KCNIP4: variants seen among roughly 807,000 people sequenced by gnomAD.
KCNIP4 encodes potassium voltage-gated channel interacting protein 4.
Under a neutral mutation model 34.0 loss-of-function variants are expected in KCNIP4, and 12 were observed. That is an observed-to-expected ratio of 0.35 (90% CI 0.23 to 0.57). KCNIP4 has a LOEUF of 0.57. Among genes scored for constraint, KCNIP4 ranks in the 20% least tolerant of loss-of-function variants. The pLI, the probability that KCNIP4 is intolerant of heterozygous loss-of-function variation, is 0.83. For synonymous variants in KCNIP4, 124 were observed against 102.2 expected, an observed-to-expected ratio of 1.21 and a Z score of -1.29; for missense variants, 238 against 311.7, an observed-to-expected ratio of 0.76 and a Z score of 1.78.
intron 1 of KCNIP4, among the ~76,000 whole-genome samples, chr4:20,933,829 T>G (rs2149605865): frequency 6.6e-6 from 1 of 152,292 alleles, no homozygotes; most frequent in South Asian, 2.1e-4. Flanking sequence ...CCGTTCTGGT[T>G]TATTCAGGGT....
intron 1 of KCNIP4, among the ~76,000 whole-genome samples, chr4:20,898,127 T>G (rs1185153598): frequency 6.6e-6 from 1 of 152,130 alleles, no homozygotes; most frequent in East Asian, 1.9e-4. Context: ...CTCCTGCCCT[T>G]GGGCATCCTG....
chr4:21,088,781 T>TC (rs1327774850), intron 1 of KCNIP4, among the ~76,000 whole-genome samples: 2 of 152,046 alleles, frequency 1.3e-5, no homozygotes, highest in Admixed American at 6.6e-5. Flanking sequence ...CACATCTTTT[T>TC]CCCCCCGCCC....
At chr4:21,666,572 CTCTGT>C (rs1453383383) in intron 1 of KCNIP4, among the ~76,000 whole-genome samples, 1 of 152,160 alleles carries the variant, frequency 6.6e-6, no homozygotes, top group African/African-American at 2.4e-5. Flanking sequence ...TTCTGAAAAA[CTCTGT>C]TCTGGTCTCT....
At chr4:21,446,763 TA>T (rs769773988) in intron 1 of KCNIP4, among the ~76,000 whole-genome samples, 28 of 151,508 alleles carry the variant, frequency 1.8e-4, no homozygotes, top group East Asian at 5.8e-4. Context: ...TAAAGTATAA[TA>T]AAAAAAAATT....
Position 21,589,259 on chromosome 4 carries a change from T to G in KCNIP4, c.61+359312A>C, listed in dbSNP as rs1447505058. Reference sequence around the variant, plus strand: ...AGATACATATATACATATATGTATCTATACAGATACATATATGTATAGATA... The same window carrying G: ...AGATACATATATACATATATGTATCGATACAGATACATATATGTATAGATA... On this transcript the variant is annotated intron_variant, in intron 1 of 8. Coordinates refer to ENST00000382152, the MANE Select transcript of KCNIP4 (RefSeq NM_025221.6). 1.4e-3 allele frequency among the ~76,000 whole-genome samples: 189 copies of G among 132,252 alleles called. 1 individual carries two copies. Among genetic ancestry groups the G allele is most frequent in the African/African-American group, 4.8e-3 (176 of 36,470 alleles). The allele number at this position is 132,252 out of a possible 152,430, so 86.8% of individuals were successfully genotyped here.
chr4:21,491,751 T>G (rs1212855959), intron 1 of KCNIP4, among the ~76,000 whole-genome samples: 1 of 152,212 alleles, frequency 6.6e-6, no homozygotes, highest in African/African-American at 2.4e-5. Flanking sequence ...TTAAGGTTTG[T>G]TTGTTTTATC....
At chr4:20,832,137 A>G (rs938656879) in intron 3 of KCNIP4, among the ~76,000 whole-genome samples, 1 of 152,218 alleles carries the variant, frequency 6.6e-6, no homozygotes, top group Non-Finnish European at 1.5e-5. Context: ...TGCAGAAATT[A>G]TGCTATTTAC....
intron 1 of KCNIP4, among the ~76,000 whole-genome samples, chr4:21,490,103 A>G (rs1380951124): frequency 1.3e-5 from 2 of 152,170 alleles, no homozygotes; most frequent in Non-Finnish European, 2.9e-5. Context: ...CACTGAAGTT[A>G]TAAATTTTAT....
Position 21,425,238 on chromosome 4 carries a change from C to G in KCNIP4, c.61+523333G>C, listed in dbSNP as rs1051203269. Among the ~76,000 whole-genome samples the G allele has an allele frequency of 2.6e-5, 4 of 152,114 alleles. No individual in the cohort carries two copies. The South Asian group carries it at 6.2e-4, about 24-fold the overall frequency. Reference sequence around the variant, plus strand: ...ATTATAGGCATAAAATACTACCTAACTTAACTTTAAAATCAATATTATGAG... The same window carrying G: ...ATTATAGGCATAAAATACTACCTAAGTTAACTTTAAAATCAATATTATGAG... On this transcript the variant is annotated intron_variant, in intron 1 of 8. Coordinates refer to ENST00000382152, the MANE Select transcript of KCNIP4 (RefSeq NM_025221.6).
At chr4:21,390,834 T>A (rs1028825271) in intron 1 of KCNIP4, among the ~76,000 whole-genome samples, 2 of 152,018 alleles carry the variant, frequency 1.3e-5, no homozygotes, top group Admixed American at 1.3e-4. Context: ...TTTTTGGGAG[T>A]GAAACTGCTG....
chr4:20,953,726 G>A (rs1216379751), intron 1 of KCNIP4, among the ~76,000 whole-genome samples: 1 of 152,096 alleles, frequency 6.6e-6, no homozygotes, highest in East Asian at 1.9e-4. Flanking sequence ...ATGAATGAAT[G>A]AATGCTGTTA....
intron 1 of KCNIP4, among the ~76,000 whole-genome samples, chr4:20,917,025 A>G (rs866392746): frequency 2.3e-5 from 1 of 43,868 alleles, no homozygotes; most frequent in African/African-American, 8.8e-5. Context: ...ATATATATAT[A>G]TATATATATA....
rs114913237 is a variant in KCNIP4 at position 21,434,665 on chromosome 4, G to C, written c.61+513906C>G. Among the ~76,000 whole-genome samples, 514 of 152,012 alleles carry C rather than the reference G, an allele frequency of 3.4e-3. 3 individuals carry two copies. The highest frequency in any genetic ancestry group is 5.4e-3 in the Non-Finnish European group (368 of 67,984). On this transcript the variant is annotated intron_variant, in intron 1 of 8. Coordinates refer to ENST00000382152, the MANE Select transcript of KCNIP4 (RefSeq NM_025221.6). ...TGAACCCTGTTGTGAACTGTGCCAT[G>C]CCGGGGATCTATGTTGCACGATCCT...
rs73099849 is a variant in KCNIP4 at position 21,025,227 on chromosome 4, G to A, written c.62-142518C>T. Among the ~76,000 whole-genome samples, 1,684 of 152,220 alleles carry A rather than the reference G, an allele frequency of 0.011. 79 individuals are homozygous for A. The East Asian group carries it at 0.17, about 15-fold the overall frequency. ...GTTTGTCTGACCCCCATACAGGTGA[G>A]GTAGGGGAGGAAGAAGAGAGAAGGT... On this transcript the variant is annotated intron_variant, in intron 1 of 8. Coordinates refer to ENST00000382152, the MANE Select transcript of KCNIP4 (RefSeq NM_025221.6).
At chr4:21,821,982 C>T (rs111942827) in intron 1 of KCNIP4, among the ~76,000 whole-genome samples, 3 of 151,996 alleles carry the variant, frequency 2.0e-5, no homozygotes, top group East Asian at 1.9e-4. Flanking sequence ...CAAGATGAAG[C>T]GCTAAAGCTA....
chr4:21,358,311 A>G (rs1429450205), intron 1 of KCNIP4, among the ~76,000 whole-genome samples: 1 of 152,102 alleles, frequency 6.6e-6, no homozygotes, highest in South Asian at 2.1e-4. Context: ...TAGAACTTAA[A>G]GTATAATAAT....
At chr4:20,781,297 T>A (rs1200685008) in intron 3 of KCNIP4, among the ~76,000 whole-genome samples, 1 of 152,210 alleles carries the variant, frequency 6.6e-6, no homozygotes, top group East Asian at 1.9e-4. Flanking sequence ...ATTCACTAGA[T>A]CTCTATTAAA....
chr4:20,878,274 T>TACTAAATG (rs1724284084), intron 2 of KCNIP4, among the ~76,000 whole-genome samples: 1 of 152,214 alleles, frequency 6.6e-6, no homozygotes, highest in Non-Finnish European at 1.5e-5. Context: ...ATACTTTGCA[T>TACTAAATG]GGATTATTCC....
In KCNIP4 at chr4:21,167,654, C is replaced by T. The variant is rs73805033; in HGVS notation, c.62-284945G>A. 5.0e-3 allele frequency among the ~76,000 whole-genome samples: 758 copies of T among 152,336 alleles called. 3 individuals carry two copies. The highest frequency in any genetic ancestry group is 0.016 in the African/African-American group (657 of 41,586). On this transcript the variant is annotated intron_variant, in intron 1 of 8. Transcript: ENST00000382152. ...GTGCCCCTTAAAGATTAGTTCACCA[C>T]TGGCCATCAGTAGCCACTTTTATTT...
Sources: gnomAD v4.1 joint callset for allele counts (sites outside exome capture counted in the v4.1 genomes callset) on GRCh38, gnomAD v4.1.1 for gene constraint, MANE v1.5 for transcripts, NCBI Gene and HGNC (gene_info 2026-07-23, HGNC 2026-07-21) for gene names.